Variants in PCDHA2 observed in about 807,000 individuals in gnomAD.
The protein encoded by PCDHA2 is protocadherin alpha 2.
A neutral mutation model predicts 66.0 loss-of-function variants in PCDHA2; 58 were observed. The ratio of observed to expected loss-of-function variants is 0.88; its 90% CI spans 0.71 to 1.09. PCDHA2 has a LOEUF of 1.09. Ranked by LOEUF, PCDHA2 falls within the 50% of genes least tolerant of loss-of-function variation. The pLI is 0.00. For synonymous variants in PCDHA2, 634 were observed against 554.0 expected, an observed-to-expected ratio of 1.14 and a Z score of -2.03; for missense variants, 1,267 against 1,242.3, an observed-to-expected ratio of 1.02 and a Z score of -0.30.
chr5:140,869,518 A>C, intron 1 of PCDHA2: 1 of 1,614,170 alleles, frequency 6.2e-7, no homozygotes, highest in East Asian at 2.2e-5. Flanking sequence ...CAGAGAACAA[A>C]AGCTGCTGAT....
chr5:140,823,733 A>G (rs2150128573), intron 1 of PCDHA2: 3 of 1,613,866 alleles, frequency 1.9e-6, no homozygotes, highest in Non-Finnish European at 1.7e-6. Flanking sequence ...GTGAAGGACC[A>G]TGGAGAGCCC....
At chr5:140,850,223 A>T in intron 1 of PCDHA2, 1 of 1,593,640 alleles carries the variant, frequency 6.3e-7, no homozygotes, top group Non-Finnish European at 8.6e-7. Flanking sequence ...CTGACGGCGC[A>T]GTGAGCGAGA....
At chr5:140,977,461 G>A (rs1554238575) in intron 1 of PCDHA2, among the ~76,000 whole-genome samples, 1 of 152,120 alleles carries the variant, frequency 6.6e-6, no homozygotes, top group African/African-American at 2.4e-5. Context: ...CTTTGATTTG[G>A]TCTGTAGATA....
chr5:140,877,702 G>T, intron 1 of PCDHA2: 2 of 1,613,996 alleles, frequency 1.2e-6, no homozygotes, highest in Admixed American at 3.3e-5. Context: ...GTGCTCCAGC[G>T]CCGTGGGGAG....
intron 1 of PCDHA2, among the ~76,000 whole-genome samples, chr5:140,935,686 C>T (rs943427521): frequency 3.3e-5 from 5 of 152,108 alleles, no homozygotes; most frequent in Non-Finnish European, 7.4e-5. Flanking sequence ...ATTTACATGG[C>T]TCCAAAATAA....
intron 1 of PCDHA2, chr5:140,841,122 T>A (rs1777037982): frequency 1.6e-6 from 1 of 640,424 alleles, no homozygotes; most frequent in South Asian, 2.2e-5. Flanking sequence ...CATGTAATCA[T>A]TACCTTTTGA....
chr5:140,978,989 T>G lies in PCDHA2; in HGVS notation c.2429T>G (p.Leu810Arg). 1 of 1,614,212 alleles carries G rather than the reference T, an allele frequency of 6.2e-7. No individual in the cohort carries two copies. Among genetic ancestry groups the G allele is most frequent in the Non-Finnish European group, 8.5e-7 (1 of 1,180,034 alleles). Residue 810 changes from leucine to arginine, a missense_variant, in exon 2 of 4, where the codon CTG (leucine) becomes CGG (arginine). Transcript: ENST00000526136. Reference protein sequence around the residue: ...PNPDWRYSASLRAGMHSSVHL... With the variant: ...PNPDWRYSASRRAGMHSSVHL... ...CCTGACTGGCGTTACTCTGCCTCCC[T>G]GAGAGCAGGCATGCACAGGTATGTA...
chr5:140,902,381 A>G (rs2153476778), intron 1 of PCDHA2, among the ~76,000 whole-genome samples: 1 of 152,036 alleles, frequency 6.6e-6, no homozygotes, highest in South Asian at 2.1e-4. Flanking sequence ...TGCTCTAGCT[A>G]AGAGTACTAT....
In PCDHA2 at chr5:140,802,630, C is replaced by T. The variant is rs1554122255; in HGVS notation, c.2388+5278C>T. The T allele has an allele frequency of 3.7e-6, 6 of 1,613,894 alleles. No homozygotes were observed. In the South Asian group the frequency reaches 6.6e-5, roughly 18 times the overall value. On this transcript the variant is annotated intron_variant, in intron 1 of 3. Transcript: ENST00000526136. ...CCGGGCTGCCACATCTTCACGGTGT[C>T]TGCGCGGGACGCGGACGCGCAGGAG... is the stretch of plus-strand genomic sequence containing the variant.
intron 1 of PCDHA2, chr5:140,849,341 C>G: frequency 7.1e-7 from 1 of 1,407,916 alleles, no homozygotes; most frequent in African/African-American, 1.6e-5. Flanking sequence ...ACTCCTTCTC[C>G]AGTGATGTTT....
chr5:140,870,854 T>G, intron 1 of PCDHA2: 4 of 1,613,784 alleles, frequency 2.5e-6, no homozygotes, highest in Non-Finnish European at 3.4e-6. Flanking sequence ...CCGCGGTCGG[T>G]GGGTGCGGGC....
intron 1 of PCDHA2, among the ~76,000 whole-genome samples, chr5:140,911,469 A>T (rs1365800005): frequency 3.3e-5 from 5 of 151,880 alleles, no homozygotes; most frequent in African/African-American, 9.7e-5. Context: ...AGGAGATAAG[A>T]CTCTCACTCA....
At chr5:140,919,610 T>G (rs1173177727) in intron 1 of PCDHA2, among the ~76,000 whole-genome samples, 1 of 152,216 alleles carries the variant, frequency 6.6e-6, no homozygotes, top group Non-Finnish European at 1.5e-5. Flanking sequence ...AATTTTAAAC[T>G]GTATCTTTTG....
chr5:140,926,767 C>A (rs1323702990), intron 1 of PCDHA2: 1 of 1,359,024 alleles, frequency 7.4e-7, no homozygotes, highest in East Asian at 2.7e-5. Context: ...AGTATCCAGC[C>A]CGCAGCAGTG....
At chr5:140,956,038 A>T in intron 1 of PCDHA2, among the ~76,000 whole-genome samples, 1 of 152,182 alleles carries the variant, frequency 6.6e-6, no homozygotes, top group South Asian at 2.1e-4. Flanking sequence ...CAGCTTAAGA[A>T]GCTTTTGGGC....
chr5:140,884,459 G>T (rs530412188), intron 1 of PCDHA2: 2 of 1,613,754 alleles, frequency 1.2e-6, no homozygotes, highest in South Asian at 2.2e-5. Flanking sequence ...CACCGAGGGC[G>T]CGTGCGCGCC....
intron 1 of PCDHA2, chr5:140,857,310 A>G (rs781828328): frequency 6.3e-7 from 1 of 1,598,492 alleles, no homozygotes; most frequent in Non-Finnish European, 8.6e-7. Context: ...TCGGCCTATG[A>G]GCTGGTGGTG....
intron 1 of PCDHA2, chr5:140,850,587 G>C: frequency 1.3e-6 from 2 of 1,598,490 alleles, no homozygotes; most frequent in Non-Finnish European, 1.7e-6. Flanking sequence ...GGATGTCAAC[G>C]TGTACCTGAT....
chr5:140,884,241 C>A (rs782355331), intron 1 of PCDHA2: 5 of 1,613,408 alleles, frequency 3.1e-6, no homozygotes, highest in Non-Finnish European at 4.2e-6. Flanking sequence ...GGTGAGCCCG[C>A]GCTGACGGCC....
Sources: gnomAD v4.1 joint callset for allele counts (sites outside exome capture counted in the v4.1 genomes callset) on GRCh38, gnomAD v4.1.1 for gene constraint, MANE v1.5 for transcripts, NCBI Gene and HGNC (gene_info 2026-07-23, HGNC 2026-07-21) for gene names.